NAALAD2: variants seen among roughly 807,000 people sequenced by gnomAD.
NAALAD2 encodes N-acetylated-alpha-linked acidic dipeptidase 2.
In NAALAD2, 89 loss-of-function variants were observed where a neutral mutation model predicts 95.6. The observed-to-expected ratio is 0.93, with a 90% CI of 0.78 to 1.11. The LOEUF (loss-of-function observed/expected upper bound fraction) is 1.11, where lower values mean the gene tolerates loss of function less well. Ranked by LOEUF, NAALAD2 falls within the 50% of genes least tolerant of loss-of-function variation. NAALAD2 has a pLI of 0.00. For synonymous variants in NAALAD2, 264 were observed against 294.4 expected (o/e 0.90, Z 1.06); for missense variants, 894 against 872.4 (o/e 1.02, Z -0.31).
chr11:90,167,500 C>T (rs936624616), intron 11 of NAALAD2, among the ~76,000 whole-genome samples: 5 of 152,212 alleles, frequency 3.3e-5, no homozygotes, highest in Admixed American at 2.0e-4. Context: ...CCAGTCCCAT[C>T]GACTGACCAA....
At chr11:90,171,696 A>C (rs940677218) in intron 13 of NAALAD2, among the ~76,000 whole-genome samples, 2 of 152,150 alleles carry the variant, frequency 1.3e-5, no homozygotes, top group Non-Finnish European at 2.9e-5. Context: ...GATTATTACA[A>C]TTTTATTAAT....
At chr11:90,184,941 C>A (rs1013559932) in intron 18 of NAALAD2, among the ~76,000 whole-genome samples, 7 of 152,052 alleles carry the variant, frequency 4.6e-5, no homozygotes, top group Admixed American at 4.6e-4. Context: ...CAGTAAACAA[C>A]TATTTGCATA....
chr11:90,134,973 C>A, intron 1 of NAALAD2, 133 bp downstream of exon 1: 1 of 888,074 alleles, frequency 1.1e-6, no homozygotes, highest in South Asian at 1.5e-5. Context: ...ATGATAAACT[C>A]TGCACATTTC....
intron 7 of NAALAD2, 68 bp from the exon 8 acceptor site, chr11:90,159,171 C>A: frequency 1.7e-6 from 2 of 1,206,970 alleles, no homozygotes; most frequent in Non-Finnish European, 2.5e-6. Context: ...ATATTGTCAT[C>A]AAACTTTAAA....
At chr11:90,166,287 C>CTG (rs1478590471) in intron 11 of NAALAD2, among the ~76,000 whole-genome samples, 6 of 152,182 alleles carry the variant, frequency 3.9e-5, no homozygotes, top group African/African-American at 1.4e-4. Context: ...TTTCTTTAAT[C>CTG]TGTGTCTGTG....
chr11:90,170,816 G>T (rs1009279403), intron 13 of NAALAD2, among the ~76,000 whole-genome samples: 2 of 152,154 alleles, frequency 1.3e-5, no homozygotes, highest in African/African-American at 2.4e-5. Flanking sequence ...ATCTAAAAAA[G>T]ATGTGGAGGT....
chr11:90,138,267 T>A (rs1197280067), intron 2 of NAALAD2, among the ~76,000 whole-genome samples: 1 of 152,064 alleles, frequency 6.6e-6, no homozygotes, highest in Non-Finnish European at 1.5e-5. Flanking sequence ...GTCTTCACAT[T>A]GAGTAGGCTG....
chr11:90,158,569 G>T, intron 7 of NAALAD2: 1 of 220,966 alleles, frequency 4.5e-6, no homozygotes, highest in Non-Finnish European at 8.8e-6. Context: ...TCTAGTATAA[G>T]AATATGACAA....
rs771015759 is a variant in NAALAD2, at chr11:90,135,650, A to C, written c.174A>C (p.Glu58Asp). Residue 58 changes from glutamate to aspartate, a missense_variant, in exon 2 of 19, where the codon GAA becomes GAC. Glu to Asp is a conservative substitution (Grantham distance 45). Coordinates refer to ENST00000534061, the MANE Select transcript of NAALAD2 (RefSeq NM_005467.4). ...RWKLVSEMKAENIKSFLRSFT... is the reference protein window; with the variant it reads ...RWKLVSEMKADNIKSFLRSFT... ...AACTGGTATCCGAAATGAAAGCTGA[A>C]AACATCAAATCATTTCTTCGGTAAG... The C allele has an allele frequency of 4.3e-6, 7 of 1,612,622 alleles. No homozygotes were observed. Among genetic ancestry groups the C allele is most frequent in the Admixed American group, 3.3e-5 (2 of 59,808 alleles).
intron 18 of NAALAD2, among the ~76,000 whole-genome samples, chr11:90,183,997 G>A (rs1300937833): frequency 8.6e-5 from 13 of 151,822 alleles, no homozygotes; most frequent in Non-Finnish European, 1.5e-5. Flanking sequence ...TTTTCTCAAG[G>A]TCCTTCTAAA....
At chr11:90,132,473 G>T (rs1213618520), upstream of NAALAD2, among the ~76,000 whole-genome samples, 1 of 152,058 alleles carries the variant, frequency 6.6e-6, no homozygotes, top group Non-Finnish European at 1.5e-5. Flanking sequence ...AACAGTGAAT[G>T]GTCCAATGGG....
In NAALAD2 at chr11:90,150,555, G is replaced by A. The variant is rs1470342005; in HGVS notation, c.557G>A (p.Cys186Tyr). The change falls in exon 5 of 19, where the codon TGT (cysteine) becomes TAT (tyrosine). Residue 186 changes from cysteine (C) to tyrosine (Y), a missense_variant. Coordinates refer to ENST00000534061, the MANE Select transcript of NAALAD2 (RefSeq NM_005467.4). The part of the protein sequence containing the change: ...FKLEREMGIN[C>Y]TGKIVIARYG... ...CTAGAAAGAGAGATGGGCATCAACT[G>A]TACTGGGAAGATTGTTATTGCAAGA... 1.9e-6 allele frequency: 3 copies of A among 1,608,046 alleles called. No individual in the cohort carries two copies. In the South Asian group the frequency reaches 3.3e-5, roughly 18 times the overall value.
chr11:90,152,345 A>T lies in NAALAD2; in HGVS notation c.657A>T (p.Ser219=). 1 of 1,612,962 alleles carries T rather than the reference A, an allele frequency of 6.2e-7. No homozygotes were observed. The highest frequency in any genetic ancestry group is 8.5e-7 in the Non-Finnish European group (1 of 1,179,118). ...LAGAIGIILY[S]DPADYFAPEV... Reference sequence around the variant, plus strand: ...GAGCCATAGGAATCATCTTGTACTCAGATCCAGCTGACTACTTTGCTCCTG... The same window carrying T: ...GAGCCATAGGAATCATCTTGTACTCTGATCCAGCTGACTACTTTGCTCCTG... Residue 219 remains serine (S), a synonymous_variant, in exon 6 of 19, where the codon TCA becomes TCT. Transcript: ENST00000534061.
intron 6 of NAALAD2, among the ~76,000 whole-genome samples, chr11:90,155,885 A>T (rs11018885): frequency 0.13 from 18,976 of 143,200 alleles, 1,464 homozygotes; most frequent in South Asian, 0.2. Context: ...ATGTATATGT[A>T]ATATATATTA....
intron 4 of NAALAD2, among the ~76,000 whole-genome samples, 192 bp from the exon 5 acceptor site, chr11:90,150,290 C>T (rs1237914677): frequency 1.3e-5 from 2 of 151,896 alleles, no homozygotes; most frequent in Admixed American, 6.6e-5. Context: ...TATACATTGT[C>T]GTTTTTTAAA....
At chr11:90,155,606 ATT>A (rs1952076514) in intron 6 of NAALAD2, among the ~76,000 whole-genome samples, 1 of 93,020 alleles carries the variant, frequency 1.1e-5, no homozygotes, top group African/African-American at 4.7e-5. Context: ...AATAATATAT[ATT>A]ACATATAAAT....
In NAALAD2 at chr11:90,192,021, C is replaced by CA. The variant is rs1857342946; in HGVS notation, c.*275dup. 1 of 207,046 alleles carries CA rather than the reference C, an allele frequency of 4.8e-6. No homozygotes were observed. Among genetic ancestry groups the CA allele is most frequent in the Admixed American group, 5.9e-5 (1 of 17,010 alleles). 12.8% of individuals were successfully genotyped at this position (207,046 alleles called of 1,614,324 possible). A position where few individuals can be genotyped will look rare whatever the true frequency, so the allele number is the denominator to read the frequency against. ...AATTATAGCAAGGAACATGAATTCT[C>CA]AGACATTGTGAGTGTGGGAATGTAA... On this transcript the variant is annotated 3_prime_UTR_variant, in exon 19 of 19. Coordinates refer to ENST00000534061, the MANE Select transcript of NAALAD2 (RefSeq NM_005467.4).
chr11:90,168,310 G>A (rs542163327), intron 11 of NAALAD2, among the ~76,000 whole-genome samples: 76 of 152,310 alleles, frequency 5.0e-4, no homozygotes, highest in African/African-American at 1.7e-3. Context: ...CACTCACCGC[G>A]AGGGTCCGCG....
At chr11:90,178,999 C>T (rs939498988) in intron 16 of NAALAD2, among the ~76,000 whole-genome samples, 12 of 152,150 alleles carry the variant, frequency 7.9e-5, no homozygotes, top group Admixed American at 7.9e-4. Flanking sequence ...CAGATACTAG[C>T]TTTACCAGTT....
Sources: allele counts gnomAD v4.1 joint callset (sites outside exome capture counted in the v4.1 genomes callset), GRCh38; gene constraint gnomAD v4.1.1; transcripts MANE v1.5; gene names NCBI Gene and HGNC (gene_info 2026-07-23, HGNC 2026-07-21).